ALDH1A1: variants seen among roughly 807,000 people sequenced by gnomAD.
The protein encoded by ALDH1A1 is aldehyde dehydrogenase 1 family member A1, also known as aldehyde dehydrogenase 1A1.
ALDH1A1 carries 19 observed loss-of-function variants against 62.1 expected under a neutral mutation model. The observed-to-expected ratio is 0.31, with a 90% confidence interval of 0.21 to 0.45. The LOEUF (loss-of-function observed/expected upper bound fraction) is 0.45. Among genes scored for constraint, ALDH1A1 ranks in the 20% least tolerant of loss-of-function variants. The pLI is 1.00. For synonymous variants in ALDH1A1, 231 were observed against 215.9 expected (o/e 1.07, Z -0.61); for missense variants, 521 against 607.1 (o/e 0.86, Z 1.49).
chr9:72,911,886 G>C, intron 10 of ALDH1A1, 72 bp downstream of exon 10: 1 of 1,541,446 alleles, frequency 6.5e-7, no homozygotes, highest in Non-Finnish European at 8.9e-7. Flanking sequence ...GAATTTTAAA[G>C]TGACACTTTG....
chr9:72,927,355 G>A (rs549028893), intron 4 of ALDH1A1, among the ~76,000 whole-genome samples, 178 bp from the exon 5 acceptor site: 32 of 152,264 alleles, frequency 2.1e-4, no homozygotes, highest in Non-Finnish European at 4.3e-4. Context: ...GGCAGATCAC[G>A]AGGTCAAGAG....
In ALDH1A1 at chr9:72,940,147, C is replaced by A. The variant is rs1235968502; in HGVS notation, c.171+1G>T. 1 of 1,609,182 alleles carries A rather than the reference C, an allele frequency of 6.2e-7. No homozygotes were observed. Among genetic ancestry groups the A allele is most frequent in the Non-Finnish European group, 8.5e-7 (1 of 1,175,800 alleles). On this transcript the variant is annotated splice_donor_variant, in intron 2 of 12. Coordinates refer to ENST00000297785, the MANE Select transcript of ALDH1A1 (RefSeq NM_000689.5). LOFTEE classifies it high-confidence loss of function. ...AATGAAACTAGTGTTCAGAAACTCA[C>A]CTTATCTCCTTCTTCTACCTGGCAG...
chr9:72,910,991 A>G (rs1829976670), intron 10 of ALDH1A1, among the ~76,000 whole-genome samples: 2 of 152,206 alleles, frequency 1.3e-5, no homozygotes, highest in African/African-American at 4.8e-5. Context: ...GGAACACAAT[A>G]AATGTTTCCT....
In ALDH1A1 at chr9:72,952,987, C is replaced by T; in HGVS notation, c.14G>A (p.Gly5Asp). The change falls in exon 1 of 13, where the codon GGC becomes GAC. Residue 5 changes from glycine to aspartate, a missense_variant. By Grantham distance (94) the Gly-to-Asp change is moderately conservative. Transcript: ENST00000297785. Reference sequence around the variant, plus strand: ...GAGTAGGACAGGTAAGTCTGGCGTGCCTGAGGATGACATTTCTGATTCGGC... The same window carrying T: ...GAGTAGGACAGGTAAGTCTGGCGTGTCTGAGGATGACATTTCTGATTCGGC... MSSS[G>D]TPDLPVLLTD... 6.2e-6 allele frequency: 10 copies of T among 1,613,094 alleles called. No homozygotes were observed. Among genetic ancestry groups the T allele is most frequent in the Non-Finnish European group, 8.5e-6 (10 of 1,179,312 alleles).
rs150352263 is a variant in ALDH1A1 at position 72,928,627 on chromosome 9, A to C, written c.442+265T>G. 1.8e-4 allele frequency among the ~76,000 whole-genome samples: 27 copies of C among 152,364 alleles called. No individual in the cohort carries two copies. In the East Asian group the frequency reaches 5.2e-3, roughly 29 times the overall value. ...AGGCAATTGCCTCAGATCAGTAATTACTGCCAAAGGAATGTTCTTACTTTG... is the reference window on the plus strand; with the variant it reads ...AGGCAATTGCCTCAGATCAGTAATTCCTGCCAAAGGAATGTTCTTACTTTG... On this transcript the variant is annotated intron_variant, in intron 4 of 12. Coordinates refer to ENST00000297785, the MANE Select transcript of ALDH1A1 (RefSeq NM_000689.5).
In ALDH1A1 at chr9:72,906,051, G is replaced by A; in HGVS notation, c.1359-19C>T. The A allele has an allele frequency of 6.3e-7, 1 of 1,596,716 alleles. No homozygotes were observed. Among genetic ancestry groups the A allele is most frequent in the Non-Finnish European group, 8.6e-7 (1 of 1,168,324 alleles). ...ATTCACCCTGAAGGAAAAGAAAAGT[G>A]CATTATAGACAATACTTAAGGTGTG... On this transcript the variant is annotated intron_variant, in intron 11 of 12. Transcript: ENST00000297785.
In ALDH1A1 at chr9:72,930,862, G is replaced by A; in HGVS notation, c.312+17C>T. ...TTTGAGAGCTCTAGCTACCCATCCAGCTTGGATAATACTCACCGCCAGCAG... is the reference window on the plus strand; with the variant it reads ...TTTGAGAGCTCTAGCTACCCATCCAACTTGGATAATACTCACCGCCAGCAG... On this transcript the variant is annotated intron_variant, in intron 3 of 12. Coordinates refer to ENST00000297785, the MANE Select transcript of ALDH1A1 (RefSeq NM_000689.5). 3 of 1,613,708 alleles carry A rather than the reference G, an allele frequency of 1.9e-6. No homozygotes were observed. The highest frequency in any genetic ancestry group is 2.5e-6 in the Non-Finnish European group (3 of 1,179,796).
In ALDH1A1 at chr9:72,909,741, G is replaced by C; in HGVS notation, c.1219C>G (p.Gln407Glu). Reference sequence around the variant, plus strand: ...TCTAAAGATTTAAACTTCATGATTTGCTGCACTGGTCCAAAAATCTATACC... The same window carrying C: ...TCTAAAGATTTAAACTTCATGATTTCCTGCACTGGTCCAAAAATCTATACC... ...AKEEIFGPVQ[Q>E]IMKFKSLDDV... The change falls in exon 11 of 13, where the codon CAA becomes GAA. Residue 407 changes from glutamine (Q) to glutamate (E), a missense_variant. Gln to Glu is a conservative substitution (Grantham distance 29, BLOSUM62 2). Transcript: ENST00000297785. 1 of 1,611,652 alleles carries C rather than the reference G, an allele frequency of 6.2e-7. No individual in the cohort carries two copies. Among genetic ancestry groups the C allele is most frequent in the Non-Finnish European group, 8.5e-7 (1 of 1,178,812 alleles).
Position 72,901,227 on chromosome 9 carries a change from A to AT in ALDH1A1, c.1486dup (p.Ile496AsnfsTer19). 1 of 1,609,834 alleles carries AT rather than the reference A, an allele frequency of 6.2e-7. No homozygotes were observed. The highest frequency in any genetic ancestry group is 8.5e-7 in the Non-Finnish European group (1 of 1,177,622). ...TTTTCTTTATGAGTTCTTCTGAGAGATTTTCACTGTGACTGTTTTGACCTC... is the reference window on the plus strand; with the variant it reads ...TTTTCTTTATGAGTTCTTCTGAGAGATTTTTCACTGTGACTGTTTTGACCTC... On this transcript the variant is annotated frameshift_variant, in exon 13 of 13. Coordinates refer to ENST00000297785, the MANE Select transcript of ALDH1A1 (RefSeq NM_000689.5). LOFTEE classifies it high-confidence loss of function.
rs1830245942 is a variant in ALDH1A1 at position 72,928,979 on chromosome 9, A to G, written c.355T>C (p.Tyr119His). 1.9e-6 allele frequency: 3 copies of G among 1,613,940 alleles called. No individual in the cohort carries two copies. Among genetic ancestry groups the G allele is most frequent in the Non-Finnish European group, 2.5e-6 (3 of 1,179,888 alleles). The change falls in exon 4 of 13, where the codon TAT becomes CAT. Residue 119 changes from tyrosine (Y) to histidine (H), a missense_variant. By Grantham distance (83) the Tyr-to-His change is moderately conservative (BLOSUM62 2). Coordinates refer to ENST00000297785, the MANE Select transcript of ALDH1A1 (RefSeq NM_000689.5). ...ATGCAGCCTGCTAAATCATTCAGATATGCATTGGAATAGAGTTTTCCACCA... is the reference window on the plus strand; with the variant it reads ...ATGCAGCCTGCTAAATCATTCAGATGTGCATTGGAATAGAGTTTTCCACCA... ...MNGGKLYSNAYLNDLAGCIKT... is the reference protein window; with the variant it reads ...MNGGKLYSNAHLNDLAGCIKT...
chr9:72,940,091 G>A lies in ALDH1A1; in HGVS notation c.171+57C>T, dbSNP rs1013936855. The A allele has an allele frequency of 6.6e-6, 9 of 1,354,764 alleles. No individual in the cohort carries two copies. The African/African-American group carries it at 1.3e-4, about 20-fold the overall frequency. 83.9% of individuals were successfully genotyped at this position (1,354,764 alleles called of 1,614,324 possible). ...GCTTGCAATGGGGTTCAGGAGCTCA[G>A]AATGGCAAAAAACCAAGAAACCTGG... is the stretch of plus-strand genomic sequence containing the variant. On this transcript the variant is annotated intron_variant, in intron 2 of 12. Transcript: ENST00000297785.
chr9:72,912,351 A>G (rs2118497561), intron 9 of ALDH1A1, among the ~76,000 whole-genome samples: 1 of 152,262 alleles, frequency 6.6e-6, no homozygotes, highest in Middle Eastern at 3.4e-3. Context: ...CATTTGTTTT[A>G]TAGTTATATA....
chr9:72,908,708 G>A lies in ALDH1A1; in HGVS notation c.1358+894C>T, dbSNP rs569154164. Among the ~76,000 whole-genome samples, 6 of 151,882 alleles carry A rather than the reference G, an allele frequency of 4.0e-5. No individual in the cohort carries two copies. In the South Asian group the frequency reaches 1.2e-3, roughly 32 times the overall value. On this transcript the variant is annotated intron_variant, in intron 11 of 12. Transcript: ENST00000297785. ...CTTGTGCTTTTTCCAGGACTGAGGG[G>A]CCAAAATTAGGCTAATGGGACCAAA...
chr9:72,937,668 T>A (rs1057103074), intron 2 of ALDH1A1, among the ~76,000 whole-genome samples: 4 of 152,134 alleles, frequency 2.6e-5, no homozygotes, highest in African/African-American at 9.7e-5. Context: ...TAGCAAGCAA[T>A]TGTTGGGGAT....
intron 5 of ALDH1A1, among the ~76,000 whole-genome samples, chr9:72,926,688 T>C (rs1830214993): frequency 6.6e-6 from 1 of 152,268 alleles, no homozygotes; most frequent in African/African-American, 2.4e-5. Flanking sequence ...GCTACTGTTC[T>C]GCATGATGAG....
chr9:72,901,672 CA>C (rs1409814636), intron 12 of ALDH1A1, among the ~76,000 whole-genome samples: 3 of 151,994 alleles, frequency 2.0e-5, no homozygotes, highest in African/African-American at 7.2e-5. Flanking sequence ...AGAATTTTGT[CA>C]TTTCTAGTTT....
chr9:72,936,075 C>A (rs1830343039), intron 2 of ALDH1A1, among the ~76,000 whole-genome samples: 1 of 152,130 alleles, frequency 6.6e-6, no homozygotes, highest in Non-Finnish European at 1.5e-5. Flanking sequence ...GTTGACCAGC[C>A]AACTCAGTTG....
Position 72,927,191 on chromosome 9 carries a change from C to T in ALDH1A1, c.443-14G>A. On this transcript the variant is annotated splice_polypyrimidine_tract_variant and intron_variant, in intron 4 of 12. Coordinates refer to ENST00000297785, the MANE Select transcript of ALDH1A1 (RefSeq NM_000689.5). The stretch of plus-strand genomic sequence containing the variant: ...AAAAATTTCCATCTGAAAAATAAAA[C>T]ACACACAATCATATATAAACAAATG... 1 of 1,565,742 alleles carries T rather than the reference C, an allele frequency of 6.4e-7. No individual in the cohort carries two copies. The highest frequency in any genetic ancestry group is 1.1e-5 in the South Asian group (1 of 87,640).
At chr9:72,952,614 TATC>T (rs1272295978) in intron 1 of ALDH1A1, among the ~76,000 whole-genome samples, 1 of 151,996 alleles carries the variant, frequency 6.6e-6, no homozygotes, top group Non-Finnish European at 1.5e-5. Flanking sequence ...TTTGCTCTCT[TATC>T]ATACATGCCG....
Sources: gnomAD v4.1 joint callset for allele counts (sites outside exome capture counted in the v4.1 genomes callset) on GRCh38, gnomAD v4.1.1 for gene constraint, MANE v1.5 for transcripts, NCBI Gene and HGNC (gene_info 2026-07-23, HGNC 2026-07-21) for gene names.